GAS7: variants seen among roughly 807,000 people sequenced by gnomAD.
GAS7 encodes growth arrest-specific protein 7.
GAS7 carries 28 observed loss-of-function variants against 71.1 expected under a neutral mutation model. The ratio of observed to expected loss-of-function variants is 0.39; its 90% CI spans 0.29 to 0.54. The LOEUF is 0.54. Among genes scored for constraint, GAS7 ranks in the 20% least tolerant of loss-of-function variants. The probability of loss-of-function intolerance (pLI) is 0.62; values close to 1 mark genes in which losing one functional copy is unlikely to be tolerated. For missense variants in GAS7, 436 were observed against 627.8 expected (o/e 0.69, Z 3.27); for synonymous variants, 258 against 245.8 (o/e 1.05, Z -0.46).
At position 9,959,986 on chromosome 17, in the gene GAS7, G is replaced by C. The variant is rs1471306481; in HGVS notation, c.472-731C>G. On this transcript the variant is annotated intron_variant, in intron 4 of 13. Coordinates refer to ENST00000432992, the MANE Select transcript of GAS7 (RefSeq NM_201433.2). This position sits in a 1 kb window ranked among gnomAD's most constrained non-coding sequence, Gnocchi z 5.0. ...GTGCAAAATGCTACACGTGTCCTAA[G>C]AGCCTACGACTCCAAAGAATGTTTG... Among the ~76,000 whole-genome samples the C allele has an allele frequency of 6.6e-6, 1 of 152,128 alleles. No homozygotes were observed. The highest frequency in any genetic ancestry group is 1.5e-5 in the Non-Finnish European group (1 of 68,030).
chr17:10,143,096 C>T (rs887731813), intron 1 of GAS7, among the ~76,000 whole-genome samples: 2 of 151,860 alleles, frequency 1.3e-5, no homozygotes, highest in Admixed American at 6.6e-5. Flanking sequence ...GCGGGAGAAT[C>T]GCTTGAACCC....
rs2067720281 is a variant in GAS7 at position 9,919,591 on chromosome 17, T to C, written c.1218+35A>G. 6.7e-7 allele frequency: 1 copy of C among 1,487,090 alleles called. No homozygotes were observed. The highest frequency in any genetic ancestry group is 9.4e-7 in the Non-Finnish European group (1 of 1,063,784). 92.1% of individuals were successfully genotyped at this position (1,487,090 alleles called of 1,614,324 possible). On this transcript the variant is annotated intron_variant, in intron 12 of 13. Coordinates refer to ENST00000432992, the MANE Select transcript of GAS7 (RefSeq NM_201433.2). This position sits in a 1 kb window ranked among gnomAD's most constrained non-coding sequence, Gnocchi z 5.0. ...CCAGGGGCTGCTCTGTGTCAGCCTC[T>C]GTACTGCCATGTCCACACATCCCTG...
intron 1 of GAS7, among the ~76,000 whole-genome samples, chr17:10,127,004 T>C (rs2073956378): frequency 6.6e-6 from 1 of 152,202 alleles, no homozygotes; most frequent in African/African-American, 2.4e-5. Flanking sequence ...TTTACTGGCC[T>C]GAAGGTTGGA....
At position 9,917,127 on chromosome 17, in the gene GAS7, G is replaced by A; in HGVS notation, c.*101C>T. The A allele has an allele frequency of 1.3e-6, 1 of 785,336 alleles. No individual in the cohort carries two copies. The allele number at this position is 785,336 out of a possible 1,614,324, so 48.6% of individuals were successfully genotyped here. A position where few individuals can be genotyped will look rare whatever the true frequency, so the allele number is the denominator to read the frequency against. ...ACCAGCTCTCTCCCCTCTCCTCAGT[G>A]GCCCAGGAGAGAGGGTGGGGGGCAT... is the stretch of plus-strand genomic sequence containing the variant. On this transcript the variant is annotated 3_prime_UTR_variant, in exon 14 of 14. Coordinates refer to ENST00000432992, the MANE Select transcript of GAS7 (RefSeq NM_201433.2).
chr17:10,153,618 G>GT (rs1170866577), intron 1 of GAS7, among the ~76,000 whole-genome samples: 2 of 151,826 alleles, frequency 1.3e-5, no homozygotes, highest in African/African-American at 4.8e-5. Flanking sequence ...AAATAATAAT[G>GT]TTTTTTAAAT....
chr17:9,995,701 G>A (rs1305072863), intron 2 of GAS7, among the ~76,000 whole-genome samples: 1 of 152,208 alleles, frequency 6.6e-6, no homozygotes, highest in Non-Finnish European at 1.5e-5. Flanking sequence ...ATGCCTGTCT[G>A]TGAAAGGTAA....
chr17:9,968,386 C>T (rs2069811868), intron 4 of GAS7, among the ~76,000 whole-genome samples: 1 of 152,200 alleles, frequency 6.6e-6, no homozygotes. Flanking sequence ...TCAGCCCCCA[C>T]CCTAGATCTC....
chr17:10,049,613 T>TA (rs2073033614), intron 1 of GAS7, among the ~76,000 whole-genome samples: 1 of 104,038 alleles, frequency 9.6e-6, no homozygotes, highest in South Asian at 3.3e-4. Flanking sequence ...TTACTTCTTT[T>TA]TTTTTTTTTT....
intron 1 of GAS7, among the ~76,000 whole-genome samples, chr17:10,188,257 A>G (rs192502549): frequency 3.9e-5 from 6 of 152,092 alleles, no homozygotes; most frequent in African/African-American, 1.4e-4. Context: ...AAAAAAAAAA[A>G]TCCATTTCAA....
intron 1 of GAS7, among the ~76,000 whole-genome samples, chr17:10,045,373 A>G (rs1438850701): frequency 6.6e-6 from 1 of 152,124 alleles, no homozygotes; most frequent in Non-Finnish European, 1.5e-5. Flanking sequence ...GGACCCTTAT[A>G]AAATTTCTAT....
intron 7 of GAS7, among the ~76,000 whole-genome samples, 167 bp from the exon 8 acceptor site, chr17:9,940,367 T>C (rs2068559227): frequency 6.6e-6 from 1 of 152,142 alleles, no homozygotes; most frequent in Admixed American, 6.6e-5. Context: ...GCTTAATAAA[T>C]ACTTGTTGGA....
intron 2 of GAS7, among the ~76,000 whole-genome samples, chr17:10,012,083 TAAG>T (rs1287353987): frequency 6.6e-6 from 1 of 151,794 alleles, no homozygotes; most frequent in African/African-American, 2.4e-5. Flanking sequence ...GATTAATAAA[TAAG>T]AAGTAAAATC....
At chr17:10,153,012 G>C (rs1257047522) in intron 1 of GAS7, among the ~76,000 whole-genome samples, 1 of 140,796 alleles carries the variant, frequency 7.1e-6, no homozygotes, top group Admixed American at 7.4e-5. Flanking sequence ...GACCAACATG[G>C]TAAAACCCCA....
At chr17:10,030,992 C>T (rs1181271307) in intron 1 of GAS7, among the ~76,000 whole-genome samples, 1 of 152,232 alleles carries the variant, frequency 6.6e-6, no homozygotes, top group Non-Finnish European at 1.5e-5. Flanking sequence ...TCCCCAACAC[C>T]ATCACTGTCC....
At chr17:10,182,204 G>A (rs2074421861) in intron 1 of GAS7, among the ~76,000 whole-genome samples, 1 of 152,158 alleles carries the variant, frequency 6.6e-6, no homozygotes, top group Non-Finnish European at 1.5e-5. Context: ...TTGTCACCCA[G>A]GCTGGAGTGC....
chr17:10,192,934 CT>C (rs1334461974), intron 1 of GAS7, among the ~76,000 whole-genome samples: 1 of 152,134 alleles, frequency 6.6e-6, no homozygotes, highest in African/African-American at 2.4e-5. Flanking sequence ...CTAATTGCAC[CT>C]TTTGTGAACA....
intron 1 of GAS7, among the ~76,000 whole-genome samples, chr17:10,064,395 C>A (rs182122190): frequency 6.6e-6 from 1 of 152,184 alleles, no homozygotes; most frequent in Non-Finnish European, 1.5e-5. Flanking sequence ...ATACGTACCC[C>A]GGCTTCTGAA....
intron 1 of GAS7, among the ~76,000 whole-genome samples, chr17:10,124,250 G>A (rs1197726822): frequency 2.6e-5 from 4 of 152,320 alleles, no homozygotes; most frequent in East Asian, 1.9e-4. Context: ...GGAAATGACA[G>A]TCCAGAGCCC....
intron 11 of GAS7, among the ~76,000 whole-genome samples, chr17:9,920,379 G>A (rs1284256108): frequency 2.6e-5 from 4 of 152,182 alleles, no homozygotes; most frequent in Non-Finnish European, 4.4e-5. Flanking sequence ...TGTCATCACA[G>A]AAAGATCCGA....
Sources: allele counts gnomAD v4.1 joint callset (sites outside exome capture counted in the v4.1 genomes callset), GRCh38; gene constraint gnomAD v4.1.1; non-coding constraint Gnocchi (gnomAD v3.1); transcripts MANE v1.5; gene names NCBI Gene and HGNC (gene_info 2026-07-23, HGNC 2026-07-21).